The following ARMC9 variants were observed in gnomAD, a reference collection of about 807,000 sequenced individuals.
The protein encoded by ARMC9 is armadillo repeat containing 9.
In ARMC9, 94 loss-of-function variants were observed where a neutral mutation model predicts 107.0. That is an observed-to-expected ratio of 0.88 (90% confidence interval 0.74 to 1.04). ARMC9 has a LOEUF of 1.04. ARMC9 is among the 50% of genes least tolerant of loss of function. The pLI is 0.00. For missense variants in ARMC9, 942 were observed against 1,030.1 expected (o/e 0.91, Z 1.17); for synonymous variants, 380 against 396.9 (o/e 0.96, Z 0.51).
intron 1 of ARMC9, among the ~76,000 whole-genome samples, chr2:231,205,903 A>G (rs1439256935): frequency 6.6e-6 from 1 of 152,100 alleles, no homozygotes; most frequent in African/African-American, 2.4e-5. Context: ...CTCACATCTC[A>G]TCATGCTGGC....
chr2:231,354,653 A>T (rs1295520379), intron 21 of ARMC9, among the ~76,000 whole-genome samples: 3 of 152,060 alleles, frequency 2.0e-5, no homozygotes, highest in Non-Finnish European at 2.9e-5. Flanking sequence ...AAGTGCTGGG[A>T]TTACAGGCAT....
At chr2:231,307,325 T>C (rs534993610) in intron 19 of ARMC9, among the ~76,000 whole-genome samples, 1 of 152,316 alleles carries the variant, frequency 6.6e-6, no homozygotes, top group Non-Finnish European at 1.5e-5. Context: ...TCCCTACTTG[T>C]CTGGCACCTA....
intron 1 of ARMC9, among the ~76,000 whole-genome samples, chr2:231,201,176 T>G (rs2030881805): frequency 4.6e-5 from 7 of 152,168 alleles, no homozygotes; most frequent in Admixed American, 4.6e-4. Context: ...TTCTCTCCCC[T>G]TTTGCATCTG....
chr2:231,295,467 T>C (rs985086073), intron 18 of ARMC9: 1 of 152,452 alleles, frequency 6.6e-6, no homozygotes, highest in Non-Finnish European at 1.5e-5. Flanking sequence ...CTGCAGTGCC[T>C]GCTTCTTACC....
intron 3 of ARMC9, among the ~76,000 whole-genome samples, chr2:231,213,505 C>T (rs1179056484): frequency 6.8e-6 from 1 of 146,794 alleles, no homozygotes; most frequent in Admixed American, 6.9e-5. Context: ...GAGATGGAGT[C>T]TCGCTCTGTT....
chr2:231,258,586 C>T (rs942701281), intron 10 of ARMC9, among the ~76,000 whole-genome samples: 5 of 152,184 alleles, frequency 3.3e-5, no homozygotes, highest in African/African-American at 9.7e-5. Flanking sequence ...TTAGGTAGAA[C>T]TCTTGGGGCC....
chr2:231,369,376 T>C (rs896875535), intron 23 of ARMC9, among the ~76,000 whole-genome samples: 10 of 152,076 alleles, frequency 6.6e-5, no homozygotes, highest in African/African-American at 2.2e-4. Context: ...CACTGCAGCC[T>C]CTGCCTCCCA....
chr2:231,323,579 C>T (rs2043122497), intron 19 of ARMC9, among the ~76,000 whole-genome samples: 1 of 152,180 alleles, frequency 6.6e-6, no homozygotes, highest in South Asian at 2.1e-4. Context: ...TGCCTCCGTT[C>T]CCTTTTCGCC....
At chr2:231,202,703 C>T (rs77516242) in intron 1 of ARMC9, among the ~76,000 whole-genome samples, 183 of 152,262 alleles carry the variant, frequency 1.2e-3, no homozygotes, top group African/African-American at 4.4e-3. Flanking sequence ...GTTCCTGCTT[C>T]TCCCTTAAAC....
chr2:231,208,198 A>G lies in ARMC9; in HGVS notation c.123A>G (p.Pro41=), dbSNP rs776409332. The G allele has an allele frequency of 3.7e-6, 6 of 1,610,338 alleles. No homozygotes were observed. Among genetic ancestry groups the G allele is most frequent in the South Asian group, 2.2e-5 (2 of 90,050 alleles). The change falls in exon 3 of 25, where the codon CCA becomes CCG. Residue 41 remains proline (P), a synonymous_variant. Coordinates refer to ENST00000611582, the MANE Select transcript of ARMC9 (RefSeq NM_001352754.2). ...AAGAATGCAAAATAAAAGGAAAACCATTGTGTAAAACAGTAGGCGGATCTT... is the reference window on the plus strand; with the variant it reads ...AAGAATGCAAAATAAAAGGAAAACCGTTGTGTAAAACAGTAGGCGGATCTT... ...FSKECKIKGK[P]LCKTVGGSFR...
chr2:231,331,663 T>C (rs1301595395), intron 19 of ARMC9, 130 bp from the exon 20 acceptor site: 1 of 744,276 alleles, frequency 1.3e-6, no homozygotes, highest in African/African-American at 1.8e-5. Context: ...CCCCTTGGAA[T>C]ATAAGCCTGC....
rs1309270553 is a variant in ARMC9 at position 231,376,270 on chromosome 2, ACT to A, written c.*4738_*4739del. Among the ~76,000 whole-genome samples, 3 of 152,008 alleles carry A rather than the reference ACT, an allele frequency of 2.0e-5. No homozygotes were observed. Among genetic ancestry groups the A allele is most frequent in the African/African-American group, 7.3e-5 (3 of 41,356 alleles). Reference sequence around the variant, plus strand: ...CAGGGAATAAGAGAGATAACCTTAAACTCTGACCACTGGTGAGTCGGGCGGAA... The same window carrying A: ...CAGGGAATAAGAGAGATAACCTTAAACTGACCACTGGTGAGTCGGGCGGAA... On this transcript the variant is annotated 3_prime_UTR_variant, in exon 25 of 25. Coordinates refer to ENST00000611582, the MANE Select transcript of ARMC9 (RefSeq NM_001352754.2).
rs149062293 is a variant in ARMC9, at chr2:231,235,320, A to G, written c.719A>G (p.Asn240Ser). The change falls in exon 8 of 25, where the codon AAT (asparagine) becomes AGT (serine). Residue 240 changes from asparagine (N) to serine (S), a missense_variant. Physicochemically the swap from Asn to Ser is conservative, Grantham distance 46. Transcript: ENST00000611582. ...RYNKIQADYH[N>S]LIGVTAELVD... is the part of the protein sequence containing the mutation. ...AATAAGATCCAGGCCGACTACCACA[A>G]TCTCATTGGAGTCACAGCAGAGCTG... 30 of 1,614,112 alleles carry G rather than the reference A, an allele frequency of 1.9e-5. No individual in the cohort carries two copies. The highest frequency in any genetic ancestry group is 9.3e-5 in the African/African-American group (7 of 74,950).
rs35433958 is a variant in ARMC9, at chr2:231,353,980, TACACACACACAC to T, written c.1995-1793_1995-1782del. Among the ~76,000 whole-genome samples the T allele has an allele frequency of 4.6e-3, 626 of 135,370 alleles. 6 individuals are homozygous for T. The highest frequency in any genetic ancestry group is 0.018 in the African/African-American group (573 of 32,046). The allele number at this position is 135,370 out of a possible 152,430, so 88.8% of individuals were successfully genotyped here. A position where few individuals can be genotyped will look rare whatever the true frequency, so the allele number is the denominator to read the frequency against. The stretch of plus-strand genomic sequence containing the variant: ...TAACAATGCAGCATATATGTATATA[TACACACACACAC>T]ACACACACACACACACACACACACC... On this transcript the variant is annotated intron_variant, in intron 21 of 24. Coordinates refer to ENST00000611582, the MANE Select transcript of ARMC9 (RefSeq NM_001352754.2).
At position 231,316,664 on chromosome 2, in the gene ARMC9, C is replaced by CA. The variant is rs780066527; in HGVS notation, c.1774-15117dup. On this transcript the variant is annotated intron_variant, in intron 19 of 24. Transcript: ENST00000611582. ...TGGGTGACAGAGCAAGACTCCATCT[C>CA]AAAAAAAAAAAAGAAAGAAAAAAAA... Among the ~76,000 whole-genome samples, 1,228 of 130,814 alleles carry CA rather than the reference C, an allele frequency of 9.4e-3. 21 individuals are homozygous for CA. The highest frequency in any genetic ancestry group is 0.028 in the African/African-American group (1,009 of 35,606). 85.8% of individuals were successfully genotyped at this position (130,814 alleles called of 152,430 possible).
intron 7 of ARMC9, among the ~76,000 whole-genome samples, chr2:231,230,671 C>T (rs1398055314): frequency 6.6e-6 from 1 of 152,178 alleles, no homozygotes; most frequent in East Asian, 1.9e-4. Context: ...TGCTCAAGTC[C>T]TTTATGTAAA....
chr2:231,243,546 T>C (rs1172524600), intron 9 of ARMC9, among the ~76,000 whole-genome samples: 1 of 152,214 alleles, frequency 6.6e-6, no homozygotes, highest in Non-Finnish European at 1.5e-5. Flanking sequence ...CCGACTGTTA[T>C]GTTAGCAGCA....
intron 18 of ARMC9, chr2:231,293,972 C>G (rs1226540995): frequency 6.6e-6 from 1 of 152,158 alleles, no homozygotes; most frequent in Non-Finnish European, 1.5e-5. Context: ...CAAATTGTTG[C>G]TAGTGTATCA....
intron 17 of ARMC9, among the ~76,000 whole-genome samples, chr2:231,284,415 C>CG: frequency 6.6e-6 from 1 of 152,340 alleles, no homozygotes; most frequent in Non-Finnish European, 1.5e-5. Flanking sequence ...GCAATAGCAG[C>CG]GTAGTCCTAA....
Sources: allele counts gnomAD v4.1 joint callset (sites outside exome capture counted in the v4.1 genomes callset), GRCh38; gene constraint gnomAD v4.1.1; transcripts MANE v1.5; gene names NCBI Gene and HGNC (gene_info 2026-07-23, HGNC 2026-07-21).